NKIRAS1: variants seen among roughly 807,000 people sequenced by gnomAD.
The protein encoded by NKIRAS1 is NF-kappa-B inhibitor-interacting Ras-like protein 1.
A neutral mutation model predicts 19.8 loss-of-function variants in NKIRAS1; 16 were observed. The observed-to-expected ratio is 0.81, with a 90% CI of 0.55 to 1.23. NKIRAS1 has a LOEUF of 1.23. Among genes scored for constraint, NKIRAS1 ranks in the 50% most tolerant of loss-of-function variants. The probability of loss-of-function intolerance (pLI) is 0.00; values close to 1 mark genes in which losing one functional copy is unlikely to be tolerated. For missense variants in NKIRAS1, 184 were observed against 220.0 expected (o/e 0.84, Z 1.04); for synonymous variants, 88 against 79.0 (o/e 1.11, Z -0.61).
At chr3:23,938,384 A>AT (rs1259202963) in intron 1 of NKIRAS1, among the ~76,000 whole-genome samples, 1 of 151,790 alleles carries the variant, frequency 6.6e-6, no homozygotes, top group Non-Finnish European at 1.5e-5. Context: ...AAATTTTTAA[A>AT]TTTTTTATAG....
At chr3:23,924,513 T>C (rs780802988) in intron 1 of NKIRAS1, 2 of 152,252 alleles carry the variant, frequency 1.3e-5, no homozygotes, top group Non-Finnish European at 2.9e-5. Context: ...CAAGTGATTT[T>C]CATGCCTCAG....
intron 3 of NKIRAS1, among the ~76,000 whole-genome samples, chr3:23,903,464 C>G (rs1168390008): frequency 6.6e-6 from 1 of 151,874 alleles, no homozygotes; most frequent in African/African-American, 2.4e-5. Flanking sequence ...TAGCAGACAC[C>G]TGAAGAAAAT....
At chr3:23,942,387 C>A (rs1705517338) in intron 1 of NKIRAS1, among the ~76,000 whole-genome samples, 2 of 152,158 alleles carry the variant, frequency 1.3e-5, no homozygotes, top group South Asian at 4.1e-4. Context: ...TTTGTTACCA[C>A]TATCGAACCT....
upstream of NKIRAS1, chr3:23,917,751 G>T: frequency 1.6e-6 from 2 of 1,217,326 alleles, no homozygotes; most frequent in Non-Finnish European, 1.1e-6. Context: ...TTCATTCCCG[G>T]CGGTTTCCTT....
At chr3:23,908,050 T>G (rs993327060) in intron 3 of NKIRAS1, among the ~76,000 whole-genome samples, 4 of 152,186 alleles carry the variant, frequency 2.6e-5, no homozygotes, top group Non-Finnish European at 5.9e-5. Flanking sequence ...ATTTGAGCTT[T>G]CAGGCAAAAA....
At chr3:23,938,186 C>T (rs1431750105) in intron 1 of NKIRAS1, among the ~76,000 whole-genome samples, 2 of 151,108 alleles carry the variant, frequency 1.3e-5, no homozygotes, top group African/African-American at 4.9e-5. Context: ...AGGATAAAAC[C>T]CTCTCATTGA....
At position 23,910,924 on chromosome 3, in the gene NKIRAS1, G is replaced by A. The variant is rs1259573993; in HGVS notation, c.-17-3C>T. On this transcript the variant is annotated splice_polypyrimidine_tract_variant and splice_region_variant and intron_variant, in intron 2 of 4. Transcript: ENST00000425478. ...TCCCATCTTCTCTCAGGATATCACTGTGGAGAGAATAACAGGTCTTTTAAA... is the reference window on the plus strand; with the variant it reads ...TCCCATCTTCTCTCAGGATATCACTATGGAGAGAATAACAGGTCTTTTAAA... 6.3e-7 allele frequency: 1 copy of A among 1,595,938 alleles called. No homozygotes were observed. The highest frequency in any genetic ancestry group is 2.2e-5 in the East Asian group (1 of 44,784).
At chr3:23,933,693 G>A (rs1705351691) in intron 1 of NKIRAS1, among the ~76,000 whole-genome samples, 1 of 152,098 alleles carries the variant, frequency 6.6e-6, no homozygotes. Flanking sequence ...TCTCAAGGGG[G>A]TAATATCACC....
At chr3:23,933,070 A>T (rs2003216) in intron 1 of NKIRAS1, among the ~76,000 whole-genome samples, 41,072 of 152,052 alleles carry the variant, frequency 0.27, 6,184 homozygotes, top group Middle Eastern at 0.38. Flanking sequence ...GGGAGGCAGA[A>T]GAACATGAGA....
upstream of NKIRAS1, chr3:23,918,612 G>T: frequency 6.2e-7 from 1 of 1,600,096 alleles, no homozygotes; most frequent in Non-Finnish European, 8.5e-7. Flanking sequence ...ATTGAATACT[G>T]CCTGGGGATG....
intron 4 of NKIRAS1, among the ~76,000 whole-genome samples, chr3:23,894,732 G>T (rs1319555724): frequency 6.6e-6 from 1 of 152,010 alleles, no homozygotes; most frequent in Admixed American, 6.6e-5. Context: ...CACAAGGTTG[G>T]GGTAAGATGT....
chr3:23,901,253 A>G (rs1017739854), intron 3 of NKIRAS1, among the ~76,000 whole-genome samples: 25 of 147,776 alleles, frequency 1.7e-4, no homozygotes, highest in Admixed American at 9.6e-4. Flanking sequence ...ATCTCAGCTC[A>G]CTACAACCTC....
chr3:23,898,638 G>A (rs1471770537), intron 4 of NKIRAS1, among the ~76,000 whole-genome samples: 1 of 152,042 alleles, frequency 6.6e-6, no homozygotes, highest in Non-Finnish European at 1.5e-5. Flanking sequence ...TAGAGACGGG[G>A]TTCCACCATG....
upstream of NKIRAS1, chr3:23,921,654 A>T: frequency 1.5e-6 from 1 of 681,364 alleles, no homozygotes; most frequent in Admixed American, 2.2e-5. Flanking sequence ...GGCTCACTGC[A>T]ACCTCTGTCT....
At chr3:23,945,000 G>A (rs1705594868) in intron 1 of NKIRAS1, among the ~76,000 whole-genome samples, 1 of 151,940 alleles carries the variant, frequency 6.6e-6, no homozygotes, top group Non-Finnish European at 1.5e-5. Context: ...AGGCGGGAAA[G>A]GCAGCCGGGA....
intron 3 of NKIRAS1, among the ~76,000 whole-genome samples, chr3:23,905,537 C>T (rs749636706): frequency 3.9e-5 from 6 of 152,008 alleles, no homozygotes; most frequent in Admixed American, 3.3e-4. Context: ...AAATGTATCA[C>T]GTATATTTTC....
intron 1 of NKIRAS1, chr3:23,923,960 A>C (rs1282729179): frequency 2.6e-5 from 4 of 152,164 alleles, no homozygotes; most frequent in African/African-American, 9.7e-5. Context: ...CCCCCTGAAA[A>C]CACAACTAAA....
At chr3:23,918,505 A>G, upstream of NKIRAS1, 1 of 1,613,900 alleles carries the variant, frequency 6.2e-7, no homozygotes, top group South Asian at 1.1e-5. Flanking sequence ...TAAGGGTGCA[A>G]CTTACGGCAA....
At chr3:23,939,152 G>A (rs1329599834) in intron 1 of NKIRAS1, among the ~76,000 whole-genome samples, 6 of 152,198 alleles carry the variant, frequency 3.9e-5, no homozygotes, top group Non-Finnish European at 8.8e-5. Flanking sequence ...CCTAAAATTG[G>A]TGAGAATGAT....
Sources: gnomAD v4.1 joint callset for allele counts (sites outside exome capture counted in the v4.1 genomes callset) on GRCh38, gnomAD v4.1.1 for gene constraint, MANE v1.5 for transcripts, NCBI Gene and HGNC (gene_info 2026-07-23, HGNC 2026-07-21) for gene names.